The following GFOD1 variants were observed in gnomAD, a reference collection of about 807,000 sequenced individuals.
GFOD1 encodes the protein glucose-fructose oxidoreductase domain-containing protein 1.
In GFOD1, 9 loss-of-function variants were observed where a neutral mutation model predicts 25.4. The ratio of observed to expected loss-of-function variants is 0.35; its 90% CI spans 0.21 to 0.62. The LOEUF is 0.62. Among genes scored for constraint, GFOD1 ranks in the 20% least tolerant of loss-of-function variants. The pLI is 0.72. For synonymous variants in GFOD1, 253 were observed against 245.6 expected (o/e 1.03, Z -0.28); for missense variants, 403 against 556.9 (o/e 0.72, Z 2.78).
At chr6:13,462,015 C>T (rs1758299682) in intron 1 of GFOD1, among the ~76,000 whole-genome samples, 1 of 152,212 alleles carries the variant, frequency 6.6e-6, no homozygotes, top group African/African-American at 2.4e-5. Context: ...GAGTCAAGCT[C>T]TGACACCACC....
chr6:13,416,369 G>A (rs1786162621), intron 1 of GFOD1, among the ~76,000 whole-genome samples: 1 of 152,206 alleles, frequency 6.6e-6, no homozygotes. Context: ...CATCATTTCA[G>A]GTTGTGAAAA....
intron 1 of GFOD1, among the ~76,000 whole-genome samples, chr6:13,476,592 GTTCAATAAAGTTATTTTT>G (rs952228542): frequency 1.3e-5 from 2 of 152,132 alleles, no homozygotes; most frequent in African/African-American, 4.8e-5. Flanking sequence ...GGTATATATA[GTTCAATAAAGTTATTTTT>G]TTAAAAAGTA....
chr6:13,381,907 G>GCA, intron 1 of GFOD1, among the ~76,000 whole-genome samples: 1 of 85,760 alleles, frequency 1.2e-5, no homozygotes. Context: ...AAACACACAC[G>GCA]CGCGCGCGCA....
chr6:13,483,498 C>A (rs934194497), intron 1 of GFOD1, among the ~76,000 whole-genome samples: 5 of 152,150 alleles, frequency 3.3e-5, no homozygotes, highest in Non-Finnish European at 7.4e-5. Flanking sequence ...GATGACATGA[C>A]CAGGTCTCTA....
intron 1 of GFOD1, among the ~76,000 whole-genome samples, chr6:13,463,823 A>G (rs541608559): frequency 6.6e-6 from 1 of 152,328 alleles, no homozygotes; most frequent in Non-Finnish European, 1.5e-5. Context: ...TACACTAATT[A>G]TGATCCAGTA....
chr6:13,477,679 A>G lies in GFOD1; in HGVS notation c.253+8959T>C, dbSNP rs569811005. Reference sequence around the variant, plus strand: ...ATAATAACTAGGTTGGTATTAATAGATGACCACATCTATTATTTCTTTCAC... The same window carrying G: ...ATAATAACTAGGTTGGTATTAATAGGTGACCACATCTATTATTTCTTTCAC... On this transcript the variant is annotated intron_variant, in intron 1 of 1. Transcript: ENST00000379287. Among the ~76,000 whole-genome samples, 7 of 152,340 alleles carry G rather than the reference A, an allele frequency of 4.6e-5. No individual in the cohort carries two copies. In the South Asian group the frequency reaches 1.2e-3, roughly 27 times the overall value.
chr6:13,472,048 A>C (rs1758519309), intron 1 of GFOD1: 1 of 165,336 alleles, frequency 6.0e-6, no homozygotes, highest in South Asian at 1.9e-4. Context: ...ACATGGTGGC[A>C]GCAAGAGAAA....
In GFOD1 at chr6:13,359,151, A is replaced by C. The variant is rs1276790233; in HGVS notation, c.*5592T>G. 6.6e-6 allele frequency: 1 copy of C among 152,394 alleles called. No homozygotes were observed. The highest frequency in any genetic ancestry group is 2.4e-5 in the African/African-American group (1 of 41,466). 9.4% of individuals were successfully genotyped at this position (152,394 alleles called of 1,614,324 possible). ...GTCAGTCTGGGTGGGGGGTCCCCTG[A>C]AACTCAGAGCACGCTCCAGCTGCTG... is the stretch of plus-strand genomic sequence containing the variant. On this transcript the variant is annotated 3_prime_UTR_variant, in exon 2 of 2. Transcript: ENST00000379287.
At chr6:13,366,715 G>A (rs751015189) in intron 1 of GFOD1, among the ~76,000 whole-genome samples, 5 of 151,706 alleles carry the variant, frequency 3.3e-5, no homozygotes, top group Non-Finnish European at 7.4e-5. Flanking sequence ...GGCCGGTCTC[G>A]AATTCCTGGT....
At chr6:13,473,238 G>A (rs1385430844) in intron 1 of GFOD1, among the ~76,000 whole-genome samples, 2 of 152,188 alleles carry the variant, frequency 1.3e-5, no homozygotes, top group African/African-American at 4.8e-5. Flanking sequence ...TGTATAACAA[G>A]AGAACAGGTG....
chr6:13,477,299 G>T (rs1758649642), intron 1 of GFOD1, among the ~76,000 whole-genome samples: 1 of 151,222 alleles, frequency 6.6e-6, no homozygotes, highest in Non-Finnish European at 1.5e-5. Flanking sequence ...CAATTGTGGG[G>T]TTGGCAAGTC....
At chr6:13,403,653 CAA>C (rs1222864399) in intron 1 of GFOD1, among the ~76,000 whole-genome samples, 5 of 152,078 alleles carry the variant, frequency 3.3e-5, no homozygotes, top group African/African-American at 1.2e-4. Context: ...TTATTTGTTA[CAA>C]GACTGTATAG....
chr6:13,466,827 C>T (rs1026389128), intron 1 of GFOD1, among the ~76,000 whole-genome samples: 1 of 152,092 alleles, frequency 6.6e-6, no homozygotes, highest in African/African-American at 2.4e-5. Flanking sequence ...TTGGTATTAG[C>T]AGTTATTCAT....
rs138430654 is a variant in GFOD1 at position 13,470,261 on chromosome 6, T to A, written c.253+16377A>T. 57 of 1,594,150 alleles carry A rather than the reference T, an allele frequency of 3.6e-5. No homozygotes were observed. In the African/African-American group the frequency reaches 6.7e-4, roughly 19 times the overall value. ...GGCAATTGCCGGCTCATGAAGCACA[T>A]CCCTCCTGGAATCCCCCATGCCAGC... On this transcript the variant is annotated intron_variant, in intron 1 of 1. Transcript: ENST00000379287.
intron 1 of GFOD1, chr6:13,486,018 G>T: frequency 1.0e-6 from 1 of 985,286 alleles, no homozygotes; most frequent in Non-Finnish European, 1.2e-6. Flanking sequence ...TGCCTCCAGC[G>T]CAGACGAAAT....
Position 13,444,389 on chromosome 6 carries a change from A to G in GFOD1, c.253+42249T>C, listed in dbSNP as rs1399977770. On this transcript the variant is annotated intron_variant, in intron 1 of 1. Transcript: ENST00000379287. The stretch of plus-strand genomic sequence containing the variant: ...GGAGGGTGGGAGGAGGGAGAGAAGC[A>G]AAAAAAAAAAAAACTATTGGGTACT... Among the ~76,000 whole-genome samples the G allele has an allele frequency of 3.1e-5, 4 of 128,346 alleles. No homozygotes were observed. The South Asian group carries it at 9.4e-4, about 30-fold the overall frequency. The allele number at this position is 128,346 out of a possible 152,430, so 84.2% of individuals were successfully genotyped here. A position where few individuals can be genotyped will look rare whatever the true frequency, so the allele number is the denominator to read the frequency against.
At chr6:13,453,277 TG>T (rs1208207844) in intron 1 of GFOD1, among the ~76,000 whole-genome samples, 5 of 152,240 alleles carry the variant, frequency 3.3e-5, no homozygotes, top group Admixed American at 6.5e-5. Flanking sequence ...CTTCTATTAT[TG>T]CATCACTTTA....
At chr6:13,369,192 G>A (rs1295822544) in intron 1 of GFOD1, among the ~76,000 whole-genome samples, 1 of 152,216 alleles carries the variant, frequency 6.6e-6, no homozygotes, top group Non-Finnish European at 1.5e-5. Context: ...AGCAAACCTT[G>A]TTGCCTGCCC....
intron 1 of GFOD1, among the ~76,000 whole-genome samples, chr6:13,387,938 T>A (rs902186778): frequency 6.6e-6 from 1 of 152,178 alleles, no homozygotes; most frequent in Non-Finnish European, 1.5e-5. Flanking sequence ...ACAAAATCAA[T>A]GTGCAAAAAT....
Sources: gnomAD v4.1 joint callset for allele counts (sites outside exome capture counted in the v4.1 genomes callset) on GRCh38, gnomAD v4.1.1 for gene constraint, MANE v1.5 for transcripts, NCBI Gene and HGNC (gene_info 2026-07-23, HGNC 2026-07-21) for gene names.